Variants in MITF observed in about 807,000 individuals in gnomAD.
The protein encoded by MITF is melanocyte inducing transcription factor, also known as microphthalmia-associated transcription factor.
In MITF, 17 loss-of-function variants were observed where a neutral mutation model predicts 60.5. The ratio of observed to expected loss-of-function variants is 0.28; its 90% confidence interval spans 0.19 to 0.42. The LOEUF is 0.42. MITF is among the 10% of genes least tolerant of loss of function. The pLI is 1.00. For missense variants in MITF, 622 were observed against 683.5 expected, an observed-to-expected ratio of 0.91 and a Z score of 1.00; for synonymous variants, 260 against 248.5, an observed-to-expected ratio of 1.05 and a Z score of -0.43.
chr3:69,925,615 A>C (rs187350995), intron 2 of MITF, among the ~76,000 whole-genome samples: 1 of 152,314 alleles, frequency 6.6e-6, no homozygotes, highest in East Asian at 1.9e-4. Flanking sequence ...TAGAGAATAA[A>C]AATCAAATTC....
chr3:69,918,488 A>G (rs2065388428), intron 2 of MITF, among the ~76,000 whole-genome samples: 1 of 152,210 alleles, frequency 6.6e-6, no homozygotes, highest in Admixed American at 6.5e-5. Context: ...TGGGACTTTT[A>G]AAATAAGTAT....
In MITF at chr3:69,908,798, A is replaced by G. The variant is rs565079121; in HGVS notation, c.355-29024A>G. On this transcript the variant is annotated intron_variant, in intron 2 of 9. Coordinates refer to ENST00000352241, the MANE Select transcript of MITF (RefSeq NM_001354604.2). ...TGTTAGAAGAAAGGAATAAGTGACA[A>G]TCTGAGAATATTTGTCCCTACGTGA... is the stretch of plus-strand genomic sequence containing the variant. Among the ~76,000 whole-genome samples the G allele has an allele frequency of 2.6e-5, 4 of 152,332 alleles. No individual in the cohort carries two copies. The East Asian group carries it at 7.7e-4, about 29-fold the overall frequency.
intron 1 of MITF, among the ~76,000 whole-genome samples, chr3:69,740,341 A>T (rs1559602172): frequency 6.6e-6 from 1 of 150,892 alleles, no homozygotes; most frequent in Non-Finnish European, 1.5e-5. Context: ...TTCAAGTTAA[A>T]CTCTCTGGAA....
At chr3:69,903,881 C>T (rs990051229) in intron 2 of MITF, among the ~76,000 whole-genome samples, 1 of 152,208 alleles carries the variant, frequency 6.6e-6, no homozygotes, top group Non-Finnish European at 1.5e-5. Flanking sequence ...GACTTGGAAG[C>T]AAAATTACTT....
At chr3:69,798,919 T>G (rs2062873253) in intron 1 of MITF, among the ~76,000 whole-genome samples, 1 of 152,248 alleles carries the variant, frequency 6.6e-6, no homozygotes, top group African/African-American at 2.4e-5. Flanking sequence ...CATTTTGCCT[T>G]GTACTTAATT....
At chr3:69,766,376 ATTTTTTTTTTTT>A (rs753953309) in intron 1 of MITF, among the ~76,000 whole-genome samples, 6 of 95,120 alleles carry the variant, frequency 6.3e-5, no homozygotes, top group East Asian at 2.9e-4. Flanking sequence ...TGCCCAGCTA[ATTTTTTTTTTTT>A]TTTTTTTTTT....
intron 1 of MITF, among the ~76,000 whole-genome samples, chr3:69,827,255 G>A (rs758996033): frequency 3.9e-5 from 6 of 152,104 alleles, no homozygotes; most frequent in African/African-American, 9.7e-5. Flanking sequence ...TGTGGTGCAG[G>A]CTTTTCTCCT....
At chr3:69,921,444 A>G (rs2065465815) in intron 2 of MITF, among the ~76,000 whole-genome samples, 1 of 152,206 alleles carries the variant, frequency 6.6e-6, no homozygotes, top group African/African-American at 2.4e-5. Context: ...GTTCAGCTTC[A>G]TTCTATATAG....
intron 1 of MITF, among the ~76,000 whole-genome samples, chr3:69,750,765 A>G (rs1226700898): frequency 1.3e-5 from 2 of 152,134 alleles, no homozygotes; most frequent in African/African-American, 4.8e-5. Flanking sequence ...CTTTGAAAAA[A>G]TCATGGCACT....
chr3:69,917,526 T>G (rs1575957367), intron 2 of MITF, among the ~76,000 whole-genome samples: 1 of 151,524 alleles, frequency 6.6e-6, no homozygotes, highest in East Asian at 1.9e-4. Flanking sequence ...AAGCATAGGG[T>G]TTTTCAGCAT....
At chr3:69,800,271 AC>A (rs1202790385) in intron 1 of MITF, among the ~76,000 whole-genome samples, 1 of 152,144 alleles carries the variant, frequency 6.6e-6, no homozygotes, top group Non-Finnish European at 1.5e-5. Flanking sequence ...GAAAGGAATG[AC>A]CTTTTTATGG....
chr3:69,901,097 T>A (rs549319265), intron 2 of MITF, among the ~76,000 whole-genome samples: 1 of 152,040 alleles, frequency 6.6e-6, no homozygotes, highest in African/African-American at 2.4e-5. Context: ...TAACCTTTTA[T>A]ATTTCCATGA....
chr3:69,927,105 G>A (rs1038543235), intron 2 of MITF, among the ~76,000 whole-genome samples: 1 of 151,432 alleles, frequency 6.6e-6, no homozygotes, highest in Admixed American at 6.6e-5. Flanking sequence ...AGACTTGACC[G>A]AGTAATTTGT....
chr3:69,874,054 C>T (rs1374979461), intron 1 of MITF, among the ~76,000 whole-genome samples: 2 of 152,188 alleles, frequency 1.3e-5, no homozygotes, highest in Non-Finnish European at 2.9e-5. Flanking sequence ...CACTATTGAA[C>T]CTTCCTGTGT....
At chr3:69,774,022 T>C (rs561944496) in intron 1 of MITF, among the ~76,000 whole-genome samples, 102 of 152,322 alleles carry the variant, frequency 6.7e-4, no homozygotes, top group African/African-American at 2.2e-3. Context: ...GTTAAGACAG[T>C]ACCCTACAAA....
rs77550170 is a variant in MITF at position 69,957,998 on chromosome 3, A to G, written c.1032-1275A>G. 1.5e-3 allele frequency among the ~76,000 whole-genome samples: 225 copies of G among 152,302 alleles called. 5 individuals are homozygous for G. The East Asian group carries it at 0.035, about 24-fold the overall frequency. On this transcript the variant is annotated intron_variant, in intron 8 of 9. Transcript: ENST00000352241. ...GCAAGTCTGCATTTGTTGATTTTAT[A>G]TAATGGAGATCTATATTCACTATTC... is the stretch of plus-strand genomic sequence containing the variant.
chr3:69,739,781 G>T lies in MITF; in HGVS notation c.104+80G>T. ...TGCCACTCTGGGGCGAGGAGAGCGG[G>T]TCGCGGGAGCTCTGGGACAAGGACC... On this transcript the variant is annotated intron_variant, in intron 1 of 9. Transcript: ENST00000352241. The T allele has an allele frequency of 8.3e-6, 9 of 1,087,404 alleles. No individual in the cohort carries two copies. In the South Asian group the frequency reaches 1.2e-4, roughly 15 times the overall value. 67.4% of individuals were successfully genotyped at this position (1,087,404 alleles called of 1,614,324 possible). A position where few individuals can be genotyped will look rare whatever the true frequency, so the allele number is the denominator to read the frequency against.
chr3:69,885,274 A>G (rs1419620428), intron 2 of MITF, among the ~76,000 whole-genome samples: 1 of 152,114 alleles, frequency 6.6e-6, no homozygotes, highest in Non-Finnish European at 1.5e-5. Context: ...TTCAAAGAGA[A>G]GAGACACCTG....
chr3:69,895,345 G>A (rs1040389580), intron 2 of MITF, among the ~76,000 whole-genome samples: 5 of 152,116 alleles, frequency 3.3e-5, no homozygotes, highest in African/African-American at 1.2e-4. Flanking sequence ...CTATTATTTT[G>A]TCTAAGTGTG....
Sources: gnomAD v4.1 joint callset for allele counts (sites outside exome capture counted in the v4.1 genomes callset) on GRCh38, gnomAD v4.1.1 for gene constraint, MANE v1.5 for transcripts, NCBI Gene and HGNC (gene_info 2026-07-23, HGNC 2026-07-21) for gene names.